Variants in MAP3K13 observed in about 807,000 individuals in gnomAD.
The protein encoded by MAP3K13 is leucine zipper-bearing kinase.
MAP3K13 carries 52 observed loss-of-function variants against 104.0 expected under a neutral mutation model. The ratio of observed to expected loss-of-function variants is 0.50; its 90% CI spans 0.40 to 0.63. The LOEUF (loss-of-function observed/expected upper bound fraction) is 0.63. Ranked by LOEUF, MAP3K13 falls within the 20% of genes least tolerant of loss-of-function variation. The pLI, the probability that MAP3K13 is intolerant of heterozygous loss-of-function variation, is 0.00. For synonymous variants in MAP3K13, 394 were observed against 442.2 expected, an observed-to-expected ratio of 0.89 and a Z score of 1.37; for missense variants, 914 against 1,218.5, an observed-to-expected ratio of 0.75 and a Z score of 3.72.
chr3:185,401,531 A>T (rs1187240984), intron 1 of MAP3K13, among the ~76,000 whole-genome samples: 1 of 152,134 alleles, frequency 6.6e-6, no homozygotes, highest in East Asian at 1.9e-4. Flanking sequence ...ATGTAGCAGG[A>T]TTATAATTTA....
At chr3:185,415,632 G>A (rs537228224) in intron 1 of MAP3K13, among the ~76,000 whole-genome samples, 1 of 130,716 alleles carries the variant, frequency 7.7e-6, no homozygotes, top group Non-Finnish European at 1.6e-5. Flanking sequence ...TGCCCAGGCT[G>A]GAGTACAATG....
intron 2 of MAP3K13, among the ~76,000 whole-genome samples, chr3:185,318,635 T>C (rs1404228007): frequency 1.3e-5 from 2 of 152,212 alleles, no homozygotes; most frequent in Non-Finnish European, 2.9e-5. Flanking sequence ...ATCTTTTTTG[T>C]TGGAGTTGTG....
chr3:185,311,303 A>C (rs950689902), intron 2 of MAP3K13, among the ~76,000 whole-genome samples: 4 of 152,170 alleles, frequency 2.6e-5, no homozygotes, highest in Non-Finnish European at 4.4e-5. Context: ...CACTTCTTAC[A>C]GGGTGGCGGC....
chr3:185,377,135 A>G (rs973484244), intron 1 of MAP3K13, among the ~76,000 whole-genome samples: 1 of 152,178 alleles, frequency 6.6e-6, no homozygotes, highest in Admixed American at 6.5e-5. Context: ...TTGATAAGGC[A>G]CAGATCCTGA....
intron 11 of MAP3K13, chr3:185,476,355 T>TAAA (rs1560135004): frequency 9.8e-6 from 1 of 102,146 alleles, no homozygotes; most frequent in Non-Finnish European, 2.1e-5. Flanking sequence ...CTTTCCTATT[T>TAAA]TAAAAAAAAA....
chr3:185,418,958 CTT>C lies in MAP3K13; in HGVS notation c.-85-9536_-85-9535del, dbSNP rs1039405148. 2.6e-5 allele frequency among the ~76,000 whole-genome samples: 4 copies of C among 151,880 alleles called. No homozygotes were observed. Among genetic ancestry groups the C allele is most frequent in the African/African-American group, 9.7e-5 (4 of 41,352 alleles). ...GTAAAAACAAAATAGGAGTCATTAA[CTT>C]TTGTTTGCTCATTGTCGTCTTTTTA... On this transcript the variant is annotated intron_variant, in intron 1 of 13. Transcript: ENST00000265026. The surrounding 1 kb of genome is among the most constrained non-coding windows in gnomAD (Gnocchi z 4.5).
chr3:185,323,753 C>G (rs1360886833), intron 2 of MAP3K13, among the ~76,000 whole-genome samples: 1 of 152,122 alleles, frequency 6.6e-6, no homozygotes, highest in Admixed American at 6.6e-5. Flanking sequence ...TTAATATTCA[C>G]GTACATGTGT....
chr3:185,405,734 T>A (rs1286600254), intron 1 of MAP3K13, among the ~76,000 whole-genome samples: 8 of 152,246 alleles, frequency 5.3e-5, no homozygotes, highest in Admixed American at 5.2e-4. Context: ...CTGCTTCCCT[T>A]GCTGTGCTTA....
chr3:185,369,663 T>C (rs892687436), intron 1 of MAP3K13, among the ~76,000 whole-genome samples: 12 of 152,218 alleles, frequency 7.9e-5, no homozygotes, highest in Admixed American at 5.9e-4. Context: ...ACCACTGATG[T>C]AGGCAATATT....
At chr3:185,417,377 A>ATGTT in intron 1 of MAP3K13, 1 of 1,054,782 alleles carries the variant, frequency 9.5e-7, no homozygotes, top group Non-Finnish European at 1.4e-6. Flanking sequence ...ACACTGATAT[A>ATGTT]TGTTCTTTTC....
At chr3:185,446,262 T>G (rs1715587681) in intron 4 of MAP3K13, among the ~76,000 whole-genome samples, 3 of 151,848 alleles carry the variant, frequency 2.0e-5, no homozygotes, top group Non-Finnish European at 4.4e-5. Flanking sequence ...CTTATCATTT[T>G]TTTTTTTTTT....
In MAP3K13 at chr3:185,399,626, C is replaced by CGGGGCG. The variant is rs1452317066; in HGVS notation, c.-85-28867_-85-28866insCGGGGG. On this transcript the variant is annotated intron_variant, in intron 1 of 13. Coordinates refer to ENST00000265026, the MANE Select transcript of MAP3K13 (RefSeq NM_004721.5). The stretch of plus-strand genomic sequence containing the variant: ...CGTCAGAAAGAAAGAGAGAGAAAGG[C>CGGGGCG]GGGGGGGGGGGGGGAGGGAGGGAGG... 9.6e-3 allele frequency among the ~76,000 whole-genome samples: 3 copies of CGGGGCG among 312 alleles called. 1 individual carries two copies. The highest frequency in any genetic ancestry group is 0.1 in the South Asian group (2 of 20). 0.2% of individuals were successfully genotyped at this position (312 alleles called of 152,430 possible).
intron 1 of MAP3K13, among the ~76,000 whole-genome samples, chr3:185,395,811 A>G (rs1322625130): frequency 6.6e-6 from 1 of 151,854 alleles, no homozygotes; most frequent in Non-Finnish European, 1.5e-5. Flanking sequence ...CAGCCTCCCA[A>G]GTAGCTGGGA....
intron 1 of MAP3K13, among the ~76,000 whole-genome samples, chr3:185,370,007 C>T (rs939509326): frequency 6.6e-6 from 1 of 152,104 alleles, no homozygotes; most frequent in African/African-American, 2.4e-5. Flanking sequence ...TAAAAATTTT[C>T]CTAAGCTTTG....
At chr3:185,302,338 G>C (rs1721137812) in intron 2 of MAP3K13, among the ~76,000 whole-genome samples, 1 of 151,570 alleles carries the variant, frequency 6.6e-6, no homozygotes, top group Admixed American at 6.6e-5. Flanking sequence ...GCTTGAATCT[G>C]GGGGGCAGAG....
chr3:185,308,893 G>T (rs537185393), intron 2 of MAP3K13, among the ~76,000 whole-genome samples: 2 of 152,258 alleles, frequency 1.3e-5, no homozygotes, highest in Non-Finnish European at 2.9e-5. Flanking sequence ...CTTTGAGCTT[G>T]CCTGGGATAC....
chr3:185,323,397 C>T (rs1006468956), intron 2 of MAP3K13, among the ~76,000 whole-genome samples: 2 of 143,486 alleles, frequency 1.4e-5, no homozygotes, highest in African/African-American at 5.2e-5. Flanking sequence ...AGTGCAATGG[C>T]GCGATCTTGG....
chr3:185,428,414 A>C, intron 1 of MAP3K13, 83 bp from the exon 2 acceptor site: 2 of 827,646 alleles, frequency 2.4e-6, no homozygotes, highest in Non-Finnish European at 3.5e-6. Flanking sequence ...CCATTGTTTC[A>C]GTTTTTTTTA....
chr3:185,337,462 A>G (rs1722549348), intron 2 of MAP3K13, among the ~76,000 whole-genome samples: 1 of 152,266 alleles, frequency 6.6e-6, no homozygotes, highest in Non-Finnish European at 1.5e-5. Context: ...TCATCTAAGA[A>G]AAATGGGCAA....
Sources: gnomAD v4.1 joint callset for allele counts (sites outside exome capture counted in the v4.1 genomes callset) on GRCh38, gnomAD v4.1.1 for gene constraint, Gnocchi (gnomAD v3.1) non-coding constraint, MANE v1.5 for transcripts, NCBI Gene and HGNC (gene_info 2026-07-23, HGNC 2026-07-21) for gene names.